FAF2: variants seen among roughly 807,000 people sequenced by gnomAD.
FAF2 encodes the protein FAS-associated factor 2.
A neutral mutation model predicts 62.3 loss-of-function variants in FAF2; 9 were observed. The observed-to-expected ratio is 0.14, with a 90% CI of 0.09 to 0.25. The LOEUF (loss-of-function observed/expected upper bound fraction) is 0.25. Among genes scored for constraint, FAF2 ranks in the 10% least tolerant of loss-of-function variants. The pLI is 1.00. For missense variants in FAF2, 368 were observed against 556.2 expected, an observed-to-expected ratio of 0.66 and a Z score of 3.40; for synonymous variants, 202 against 198.0, an observed-to-expected ratio of 1.02 and a Z score of -0.17.
Position 176,492,237 on chromosome 5 carries a change from A to C in FAF2, c.388A>C (p.Thr130Pro). 6.2e-7 allele frequency: 1 copy of C among 1,614,176 alleles called. No individual in the cohort carries two copies. The highest frequency in any genetic ancestry group is 8.5e-7 in the Non-Finnish European group (1 of 1,180,034). The change falls in exon 5 of 11, where the codon ACT becomes CCT. Residue 130 changes from threonine (T) to proline (P), a missense_variant. Thr to Pro is a conservative substitution (Grantham distance 38). This residue lies in a region of FAF2 where 331 missense variants were observed against 441.9 expected (regional missense o/e 0.75). Coordinates refer to ENST00000261942, the MANE Select transcript of FAF2 (RefSeq NM_014613.3). The stretch of plus-strand genomic sequence containing the variant: ...ACGGCCTGACCCTCGCAGCCGGGTC[A>C]CTGACCCCGTTGGGGACATTGTTTC... ...FIRPDPRSRV[T>P]DPVGDIVSFM...
intron 1 of FAF2, among the ~76,000 whole-genome samples, chr5:176,457,746 T>C (rs1266880401): frequency 6.6e-6 from 1 of 152,110 alleles, no homozygotes; most frequent in East Asian, 1.9e-4. Flanking sequence ...TTGGGGGGCC[T>C]GTGTGTGGGC....
chr5:176,501,927 T>C (rs944272968), intron 10 of FAF2, among the ~76,000 whole-genome samples: 15 of 152,132 alleles, frequency 9.9e-5, no homozygotes, highest in African/African-American at 3.4e-4. Context: ...CTAATTTTTG[T>C]ATTTTTTTTA....
At position 176,448,476 on chromosome 5, in the gene FAF2, A is replaced by G; in HGVS notation, c.63+6A>G. Reference sequence around the variant, plus strand: ...AGAAGCTGCTGCAGTTTCAGGTAGCAGCGAGTACTCGGTGCAGCAGATGCC... The same window carrying G: ...AGAAGCTGCTGCAGTTTCAGGTAGCGGCGAGTACTCGGTGCAGCAGATGCC... On this transcript the variant is annotated splice_donor_region_variant and intron_variant, in intron 1 of 10. Coordinates refer to ENST00000261942, the MANE Select transcript of FAF2 (RefSeq NM_014613.3). The G allele has an allele frequency of 6.3e-7, 1 of 1,593,404 alleles. No homozygotes were observed. Among genetic ancestry groups the G allele is most frequent in the Non-Finnish European group, 8.5e-7 (1 of 1,170,230 alleles).
At chr5:176,479,121 C>A in intron 1 of FAF2, 67 bp from the exon 2 acceptor site, 1 of 1,237,846 alleles carries the variant, frequency 8.1e-7, no homozygotes, top group Non-Finnish European at 1.2e-6. Flanking sequence ...CAGTATATGG[C>A]GTAAAAATAC....
At chr5:176,466,127 T>C (rs368497460) in intron 1 of FAF2, among the ~76,000 whole-genome samples, 1 of 152,212 alleles carries the variant, frequency 6.6e-6, no homozygotes, top group African/African-American at 2.4e-5. Flanking sequence ...GGAGTATCAG[T>C]AATTAAATGT....
intron 1 of FAF2, among the ~76,000 whole-genome samples, chr5:176,454,082 T>G (rs1215913167): frequency 1.4e-5 from 2 of 147,374 alleles, no homozygotes; most frequent in East Asian, 2.0e-4. Flanking sequence ...TATTATCTAG[T>G]TCACAACATT....
At chr5:176,492,052 G>T in intron 4 of FAF2, 142 bp from the exon 5 acceptor site, 2 of 886,584 alleles carry the variant, frequency 2.3e-6, no homozygotes, top group Non-Finnish European at 3.6e-6. Context: ...TCTACTCTCG[G>T]ATTTGATGGT....
At chr5:176,474,793 A>T (rs1758659279) in intron 1 of FAF2, among the ~76,000 whole-genome samples, 1 of 152,046 alleles carries the variant, frequency 6.6e-6, no homozygotes, top group South Asian at 2.1e-4. Context: ...TTGTTAGTGT[A>T]TTTTCTTCAG....
intron 1 of FAF2, among the ~76,000 whole-genome samples, chr5:176,467,177 G>T (rs1265567657): frequency 7.2e-6 from 1 of 138,752 alleles, no homozygotes; most frequent in Non-Finnish European, 1.5e-5. Context: ...TCCCAGACCA[G>T]TGGGGGATTT....
chr5:176,465,290 A>G (rs1277152441), intron 1 of FAF2, among the ~76,000 whole-genome samples: 3 of 152,074 alleles, frequency 2.0e-5, no homozygotes, highest in African/African-American at 7.2e-5. Flanking sequence ...AAAGGAGAAC[A>G]GTTTTATATA....
chr5:176,494,407 T>A lies in FAF2; in HGVS notation c.661+132T>A, dbSNP rs76577841. ...TACGACGCTAGTTGCTATTTTATATTGTCTCATTTAATCCTCTCAGCAGTC... is the reference window on the plus strand; with the variant it reads ...TACGACGCTAGTTGCTATTTTATATAGTCTCATTTAATCCTCTCAGCAGTC... On this transcript the variant is annotated intron_variant, in intron 7 of 10. Transcript: ENST00000261942. This position sits in a 1 kb window ranked among gnomAD's most constrained non-coding sequence, Gnocchi z 4.0. The A allele has an allele frequency of 8.1e-3, 6,050 of 743,784 alleles. 256 individuals carry two copies. The African/African-American group carries it at 0.094, about 12-fold the overall frequency. 46.1% of individuals were successfully genotyped at this position (743,784 alleles called of 1,614,324 possible).
chr5:176,476,627 C>CTTTTTTTTTT (rs58104178), intron 1 of FAF2, among the ~76,000 whole-genome samples: 1 of 95,062 alleles, frequency 1.1e-5, no homozygotes, highest in African/African-American at 4.4e-5. Context: ...ATTAGAGTCC[C>CTTTTTTTTTT]TTTTTTTTTT....
chr5:176,484,004 G>C (rs1758830017), intron 2 of FAF2, among the ~76,000 whole-genome samples: 1 of 151,990 alleles, frequency 6.6e-6, no homozygotes, highest in South Asian at 2.1e-4. Context: ...AACCTGGGAG[G>C]GGGAAGTTGC....
In FAF2 at chr5:176,509,448, T is replaced by A. The variant is rs1259804303; in HGVS notation, c.*2498T>A. 1 of 152,222 alleles carries A rather than the reference T, an allele frequency of 6.6e-6. No individual in the cohort carries two copies. The highest frequency in any genetic ancestry group is 1.5e-5 in the Non-Finnish European group (1 of 68,032). 9.4% of individuals were successfully genotyped at this position (152,222 alleles called of 1,614,324 possible). Reference sequence around the variant, plus strand: ...TCAGCTGTTGTTTCCAAATGGCAAATCATCAACTAAAAGCACTTGTTTCAA... The same window carrying A: ...TCAGCTGTTGTTTCCAAATGGCAAAACATCAACTAAAAGCACTTGTTTCAA... On this transcript the variant is annotated 3_prime_UTR_variant, in exon 11 of 11. Coordinates refer to ENST00000261942, the MANE Select transcript of FAF2 (RefSeq NM_014613.3).
intron 1 of FAF2, among the ~76,000 whole-genome samples, chr5:176,470,305 C>T (rs1476774329): frequency 1.3e-5 from 2 of 152,180 alleles, no homozygotes; most frequent in Non-Finnish European, 2.9e-5. Context: ...CAGCCGGGTG[C>T]GGTGACTCAC....
At chr5:176,458,550 C>T (rs984413054) in intron 1 of FAF2, among the ~76,000 whole-genome samples, 17 of 150,252 alleles carry the variant, frequency 1.1e-4, no homozygotes, top group African/African-American at 2.0e-4. Context: ...ATTACAGGCG[C>T]GTGCCACCAC....
chr5:176,475,074 C>T (rs1398378703), intron 1 of FAF2, among the ~76,000 whole-genome samples: 1 of 152,072 alleles, frequency 6.6e-6, no homozygotes, highest in Admixed American at 6.6e-5. Flanking sequence ...TTAAGTGTTT[C>T]AGTATATTAA....
intron 4 of FAF2, 113 bp from the exon 5 acceptor site, chr5:176,492,081 C>T (rs1758979863): frequency 8.3e-6 from 10 of 1,211,748 alleles, no homozygotes; most frequent in African/African-American, 7.5e-5. Context: ...AGACTGTTCA[C>T]CTCCCTTTGT....
At chr5:176,464,009 C>T (rs762103960) in intron 1 of FAF2, among the ~76,000 whole-genome samples, 1 of 152,148 alleles carries the variant, frequency 6.6e-6, no homozygotes, top group African/African-American at 2.4e-5. Flanking sequence ...AGATTACAGG[C>T]GTGAGCCACT....
Sources: allele counts gnomAD v4.1 joint callset (sites outside exome capture counted in the v4.1 genomes callset), GRCh38; gene constraint gnomAD v4.1.1; regional missense constraint gnomAD v4.1.1; non-coding constraint Gnocchi (gnomAD v3.1); transcripts MANE v1.5; gene names NCBI Gene and HGNC (gene_info 2026-07-23, HGNC 2026-07-21).